Variants in DOCK8 observed in about 807,000 individuals in gnomAD.
The protein encoded by DOCK8 is dedicator of cytokinesis 8, also known as dedicator of cytokinesis protein 8.
A neutral mutation model predicts 245.6 loss-of-function variants in DOCK8; 141 were observed. The ratio of observed to expected loss-of-function variants is 0.57; its 90% confidence interval spans 0.50 to 0.66. The LOEUF (loss-of-function observed/expected upper bound fraction) is 0.66, where lower values mean the gene tolerates loss of function less well. DOCK8 is among the 30% of genes least tolerant of loss of function. DOCK8 has a pLI of 0.00. For missense variants in DOCK8, 2,965 were observed against 2,603.4 expected (o/e 1.14, Z -3.02); for synonymous variants, 1,168 against 970.2 (o/e 1.20, Z -3.79).
At chr9:426,774 T>G in intron 33 of DOCK8, 111 bp from the exon 34 acceptor site, 1 of 850,442 alleles carries the variant, frequency 1.2e-6, no homozygotes, top group Admixed American at 2.0e-5. Flanking sequence ...TGTTTTCATT[T>G]CAAGGTTGAC....
At chr9:406,492 A>G (rs374438014) in intron 27 of DOCK8, among the ~76,000 whole-genome samples, 60 of 83,144 alleles carry the variant, frequency 7.2e-4, no homozygotes, top group African/African-American at 1.9e-3. Flanking sequence ...GTCTTTCAAA[A>G]AAAAAAAAAA....
intron 7 of DOCK8, among the ~76,000 whole-genome samples, chr9:323,634 A>C (rs1320054511): frequency 1.3e-5 from 2 of 152,116 alleles, no homozygotes; most frequent in Admixed American, 1.3e-4. Context: ...CCCAAACTGA[A>C]ACTCTGTACC....
rs1428917619 is a variant in DOCK8 at position 368,595 on chromosome 9, C to G, written c.1797+460C>G. 6.5e-5 allele frequency: 17 copies of G among 263,258 alleles called. No individual in the cohort carries two copies. In the East Asian group the frequency reaches 1.1e-3, roughly 17 times the overall value. 16.3% of individuals were successfully genotyped at this position (263,258 alleles called of 1,614,324 possible). On this transcript the variant is annotated intron_variant, in intron 15 of 47. Transcript: ENST00000432829. ...AAGTACCGCCTAGTAATTATAAACACACACCACCTCCACACCTTCTAGGAG... is the reference window on the plus strand; with the variant it reads ...AAGTACCGCCTAGTAATTATAAACAGACACCACCTCCACACCTTCTAGGAG...
chr9:319,555 G>A (rs565368440), intron 7 of DOCK8, among the ~76,000 whole-genome samples: 1 of 152,298 alleles, frequency 6.6e-6, no homozygotes, highest in East Asian at 1.9e-4. Flanking sequence ...AGCCTAGAAT[G>A]TGACAGTATG....
At chr9:312,382 T>C (rs1308242232) in intron 6 of DOCK8, 1 of 686,342 alleles carries the variant, frequency 1.5e-6, no homozygotes, top group African/African-American at 1.8e-5. Flanking sequence ...TAATAACAAC[T>C]GGAATTTTCA....
intron 30 of DOCK8, 197 bp from the exon 31 acceptor site, chr9:420,204 C>A: frequency 1.5e-6 from 1 of 659,280 alleles, no homozygotes; most frequent in Non-Finnish European, 2.7e-6. Context: ...CTGAGTAGCG[C>A]TACTCAAAGA....
intron 1 of DOCK8, among the ~76,000 whole-genome samples, chr9:260,533 A>T (rs1275604375): frequency 1.3e-5 from 2 of 152,226 alleles, no homozygotes; most frequent in Non-Finnish European, 2.9e-5. Flanking sequence ...AAATACTCTG[A>T]AGGACTAATA....
intron 33 of DOCK8, among the ~76,000 whole-genome samples, chr9:423,696 G>A (rs1299181935): frequency 1.3e-5 from 2 of 152,092 alleles, no homozygotes; most frequent in African/African-American, 4.8e-5. Context: ...TGTTATTCTT[G>A]CACTAAATTC....
At chr9:403,984 ATATATATGTG>A (rs1307853479) in intron 26 of DOCK8, among the ~76,000 whole-genome samples, 6 of 75,984 alleles carry the variant, frequency 7.9e-5, no homozygotes, top group African/African-American at 4.3e-4. Flanking sequence ...ATGTGTATAT[ATATATATGTG>A]TATATATATA....
rs557121224 is a variant in DOCK8, at chr9:286,351, C to T, written c.157-110C>T. The T allele has an allele frequency of 1.3e-5, 16 of 1,254,706 alleles. No individual in the cohort carries two copies. The East Asian group carries it at 2.5e-4, about 20-fold the overall frequency. 77.7% of individuals were successfully genotyped at this position (1,254,706 alleles called of 1,614,324 possible). ...GAGTCGCTCCGTTTTATGCCAGGAGCGAAGTACTTACTAAGTCAAAGGAAA... is the reference window on the plus strand; with the variant it reads ...GAGTCGCTCCGTTTTATGCCAGGAGTGAAGTACTTACTAAGTCAAAGGAAA... On this transcript the variant is annotated intron_variant, in intron 2 of 47. Transcript: ENST00000432829.
rs1586940411 is a variant in DOCK8, at chr9:407,001, C to G, written c.3462C>G (p.Arg1154=). ...TGTTCGATCTGACTTCCGAGTACCG[C>G]CAGCAGCACTTCCTCACCGGGCTCC... ...ASMFDLTSEY[R]QQHFLTGLLF... is the part of the protein sequence containing the mutation. The change falls in exon 28 of 48, where the codon CGC becomes CGG. Residue 1154 remains arginine (R), a synonymous_variant. Transcript: ENST00000432829. 1.2e-6 allele frequency: 2 copies of G among 1,614,034 alleles called. No individual in the cohort carries two copies. The highest frequency in any genetic ancestry group is 1.7e-6 in the Non-Finnish European group (2 of 1,180,038).
intron 2 of DOCK8, among the ~76,000 whole-genome samples, chr9:274,554 C>T (rs149929386): frequency 3.0e-4 from 43 of 145,386 alleles, no homozygotes; most frequent in African/African-American, 8.4e-4. Context: ...TACCTGGTAT[C>T]GTGTTGTAAT....
At chr9:395,531 TTAGTAGTAGTAGTAG>T (rs60738310) in intron 24 of DOCK8, among the ~76,000 whole-genome samples, 1 of 149,376 alleles carries the variant, frequency 6.7e-6, no homozygotes, top group Admixed American at 6.7e-5. Flanking sequence ...TCCAGTGCCA[TTAGTAGTAGTAGTAG>T]TAGTAGTAGT....
chr9:377,321 A>C, intron 20 of DOCK8, 110 bp downstream of exon 20: 2 of 1,108,418 alleles, frequency 1.8e-6, no homozygotes, highest in Non-Finnish European at 2.5e-6. Context: ...CTTCCTTTCC[A>C]CTGATGATGT....
chr9:430,996 T>C (rs1047389870), intron 36 of DOCK8, among the ~76,000 whole-genome samples: 3 of 151,974 alleles, frequency 2.0e-5, no homozygotes, highest in Non-Finnish European at 4.4e-5. Flanking sequence ...CAGCCTCCCA[T>C]GTAGTAACTG....
At chr9:413,090 TCCAAAA>T (rs1269547520) in intron 28 of DOCK8, among the ~76,000 whole-genome samples, 30 of 152,116 alleles carry the variant, frequency 2.0e-4, no homozygotes, top group Middle Eastern at 3.4e-3. Context: ...GGGTTAAGAG[TCCAAAA>T]ATAAATCTTC....
chr9:269,783 C>G (rs1175300714), intron 1 of DOCK8, among the ~76,000 whole-genome samples: 1 of 152,088 alleles, frequency 6.6e-6, no homozygotes, highest in Non-Finnish European at 1.5e-5. Context: ...GTCATGAACT[C>G]CTGACCTCAA....
chr9:399,823 A>T (rs1329495498), intron 26 of DOCK8, among the ~76,000 whole-genome samples: 1 of 151,864 alleles, frequency 6.6e-6, no homozygotes, highest in African/African-American at 2.4e-5. Context: ...CCCTCAAACT[A>T]CCTTAACAAT....
At chr9:316,907 AG>A in intron 6 of DOCK8, 135 bp from the exon 7 acceptor site, 1 of 721,122 alleles carries the variant, frequency 1.4e-6, no homozygotes, top group Non-Finnish European at 2.5e-6. Flanking sequence ...TTCTTATAAA[AG>A]GCAGAGTGTT....
Sources: allele counts gnomAD v4.1 joint callset (sites outside exome capture counted in the v4.1 genomes callset), GRCh38; gene constraint gnomAD v4.1.1; transcripts MANE v1.5; gene names NCBI Gene and HGNC (gene_info 2026-07-23, HGNC 2026-07-21).